DOCK2: variants seen among roughly 807,000 people sequenced by gnomAD.
The protein encoded by DOCK2 is dedicator of cytokinesis 2, also known as dedicator of cytokinesis protein 2.
Under a neutral mutation model 248.9 loss-of-function variants are expected in DOCK2, and 87 were observed. The ratio of observed to expected loss-of-function variants is 0.35; its 90% confidence interval spans 0.29 to 0.42. The LOEUF (loss-of-function observed/expected upper bound fraction) is 0.42, where lower values mean the gene tolerates loss of function less well. Ranked by LOEUF, DOCK2 falls within the 10% of genes least tolerant of loss-of-function variation. DOCK2 has a pLI of 1.00. For synonymous variants in DOCK2, 805 were observed against 821.6 expected (o/e 0.98, Z 0.35); for missense variants, 1,747 against 2,300.2 (o/e 0.76, Z 4.92).
intron 27 of DOCK2, among the ~76,000 whole-genome samples, chr5:169,963,364 A>T (rs974983673): frequency 2.6e-5 from 4 of 152,090 alleles, no homozygotes; most frequent in Non-Finnish European, 4.4e-5. Context: ...TCAGCCTTTG[A>T]TTAGGCCTCC....
chr5:169,639,948 A>G (rs561436335), intron 1 of DOCK2, among the ~76,000 whole-genome samples: 5 of 152,338 alleles, frequency 3.3e-5, no homozygotes, highest in Non-Finnish European at 5.9e-5. Context: ...GAAGTCTAAG[A>G]TCAAAGCACC....
chr5:169,828,598 T>A (rs552663648), intron 26 of DOCK2, among the ~76,000 whole-genome samples: 14 of 152,346 alleles, frequency 9.2e-5, no homozygotes, highest in Non-Finnish European at 1.6e-4. Context: ...GTATTTTCAC[T>A]GTAGGAAGGA....
Position 169,962,429 on chromosome 5 carries a change from A to G in DOCK2, c.2800-20639A>G, listed in dbSNP as rs902757474. 3.3e-5 allele frequency among the ~76,000 whole-genome samples: 5 copies of G among 152,192 alleles called. No individual in the cohort carries two copies. In the South Asian group the frequency reaches 1.0e-3, roughly 32 times the overall value. Reference sequence around the variant, plus strand: ...GGGGAGGATGGAGGTTCCATTTCCCAAGAGAAAGAAGAGAACCAGATTTGG... The same window carrying G: ...GGGGAGGATGGAGGTTCCATTTCCCGAGAGAAAGAAGAGAACCAGATTTGG... On this transcript the variant is annotated intron_variant, in intron 27 of 51. Coordinates refer to ENST00000520908, the MANE Select transcript of DOCK2 (RefSeq NM_004946.3).
intron 48 of DOCK2, 67 bp downstream of exon 48, chr5:170,077,904 CT>C (rs1757893921): frequency 1.5e-6 from 2 of 1,311,140 alleles, no homozygotes; most frequent in South Asian, 2.5e-5. Context: ...CCCTCCTTCT[CT>C]CTCTTCTCCG....
At chr5:169,801,517 A>C (rs1334137721) in intron 25 of DOCK2, among the ~76,000 whole-genome samples, 2 of 152,180 alleles carry the variant, frequency 1.3e-5, no homozygotes. Flanking sequence ...TAAGCACTCA[A>C]AATACTGTGT....
In DOCK2 at chr5:170,057,683, C is replaced by A; in HGVS notation, c.4467+17C>A. The A allele has an allele frequency of 1.3e-6, 2 of 1,586,254 alleles. No individual in the cohort carries two copies. The highest frequency in any genetic ancestry group is 1.1e-5 in the South Asian group (1 of 87,324). On this transcript the variant is annotated intron_variant, in intron 44 of 51. Transcript: ENST00000520908. Reference sequence around the variant, plus strand: ...ATGTCGCAGGTGAGTCTGGGACATTCGTGGCAGGGCCACCCTTCCTCCGAT... The same window carrying A: ...ATGTCGCAGGTGAGTCTGGGACATTAGTGGCAGGGCCACCCTTCCTCCGAT...
In DOCK2 at chr5:169,883,642, G is replaced by A. The variant is rs772717570; in HGVS notation, c.2799+42790G>A. 1.9e-6 allele frequency: 3 copies of A among 1,551,384 alleles called. No homozygotes were observed. The South Asian group carries it at 3.6e-5, about 18-fold the overall frequency. On this transcript the variant is annotated intron_variant, in intron 27 of 51. Transcript: ENST00000520908. ...GTTGCGAAAGCCCCCTGCCTTCTGG[G>A]ACCTGGGGAAGGAGAGCGAGTAGGT...
intron 1 of DOCK2, among the ~76,000 whole-genome samples, chr5:169,643,691 C>G (rs1027918394): frequency 3.3e-5 from 5 of 152,142 alleles, no homozygotes; most frequent in African/African-American, 1.2e-4. Flanking sequence ...GAGTTGGGGA[C>G]CCCTGTTCTA....
chr5:169,869,169 G>C (rs1291731369), intron 27 of DOCK2, among the ~76,000 whole-genome samples: 1 of 152,170 alleles, frequency 6.6e-6, no homozygotes, highest in Non-Finnish European at 1.5e-5. Context: ...CAGCTCTTCA[G>C]TAGCTGCGCA....
intron 27 of DOCK2, among the ~76,000 whole-genome samples, chr5:169,921,774 T>C (rs1038397324): frequency 2.0e-5 from 3 of 152,246 alleles, no homozygotes; most frequent in African/African-American, 7.2e-5. Context: ...AAGAACAGGC[T>C]GTAAGCAGTG....
At chr5:169,945,275 T>G (rs1361542442) in intron 27 of DOCK2, among the ~76,000 whole-genome samples, 3 of 152,258 alleles carry the variant, frequency 2.0e-5, no homozygotes, top group Non-Finnish European at 4.4e-5. Context: ...AATACCATAC[T>G]AACGCCTTAG....
intron 2 of DOCK2, among the ~76,000 whole-genome samples, chr5:169,654,724 C>T (rs1255670838): frequency 6.6e-6 from 1 of 152,254 alleles, no homozygotes; most frequent in Non-Finnish European, 1.5e-5. Flanking sequence ...CCATTTGCTT[C>T]AGCCATGGGG....
intron 44 of DOCK2, among the ~76,000 whole-genome samples, chr5:170,062,780 T>G (rs1353714900): frequency 1.3e-5 from 2 of 151,608 alleles, no homozygotes; most frequent in Non-Finnish European, 2.9e-5. Flanking sequence ...CTGAGAGGAG[T>G]GTAGTAAAGG....
At position 170,008,704 on chromosome 5, in the gene DOCK2, C is replaced by G. The variant is rs772417044; in HGVS notation, c.3190C>G (p.Arg1064Gly). The G allele has an allele frequency of 6.2e-7, 1 of 1,613,864 alleles. No homozygotes were observed. The change falls in exon 32 of 52, where the codon CGG becomes GGG. Residue 1064 changes from arginine (R) to glycine (G), a missense_variant. Physicochemically the swap from Arg to Gly is moderately radical, Grantham distance 125 (BLOSUM62 -2). Coordinates refer to ENST00000520908, the MANE Select transcript of DOCK2 (RefSeq NM_004946.3). ...TCCTCCTAGGTATGGGGACATGAGA[C>G]GGCTAATTGGCTTCTCCATCCGTGA... Reference protein sequence around the residue: ...KILNKYGDMRRLIGFSIRDMW... With the variant: ...KILNKYGDMRGLIGFSIRDMW...
At chr5:169,711,863 A>C in intron 15 of DOCK2, 72 bp from the exon 16 acceptor site, 2 of 1,527,354 alleles carry the variant, frequency 1.3e-6, no homozygotes, top group Non-Finnish European at 1.8e-6. Flanking sequence ...CTGCTGTGGA[A>C]GTGTGTAGGG....
intron 41 of DOCK2, among the ~76,000 whole-genome samples, chr5:170,054,955 C>T (rs2113856567): frequency 6.6e-6 from 1 of 152,220 alleles, no homozygotes; most frequent in African/African-American, 2.4e-5. Flanking sequence ...TTGAGGAGAT[C>T]AAATGAGATC....
intron 2 of DOCK2, among the ~76,000 whole-genome samples, chr5:169,657,812 G>T (rs1357272886): frequency 6.6e-6 from 1 of 152,132 alleles, no homozygotes; most frequent in Non-Finnish European, 1.5e-5. Context: ...CTAATGATTG[G>T]CCAGTCCACT....
At chr5:169,665,372 G>A (rs143171683) in intron 2 of DOCK2, among the ~76,000 whole-genome samples, 1 of 148,486 alleles carries the variant, frequency 6.7e-6, no homozygotes, top group Admixed American at 6.7e-5. Context: ...ATTTATATAT[G>A]TTTATATATA....
At chr5:169,643,077 GTTC>G (rs1757240368) in intron 1 of DOCK2, among the ~76,000 whole-genome samples, 2 of 152,142 alleles carry the variant, frequency 1.3e-5, no homozygotes, top group African/African-American at 2.4e-5. Context: ...CACCACAAAT[GTTC>G]CCTTTAATAG....
Sources: allele counts gnomAD v4.1 joint callset (sites outside exome capture counted in the v4.1 genomes callset), GRCh38; gene constraint gnomAD v4.1.1; transcripts MANE v1.5; gene names NCBI Gene and HGNC (gene_info 2026-07-23, HGNC 2026-07-21).